ZNF18: variants seen among roughly 807,000 people sequenced by gnomAD.
ZNF18 encodes heart development-specific gene 1 protein.
A neutral mutation model predicts 58.1 loss-of-function variants in ZNF18; 42 were observed. That is an observed-to-expected ratio of 0.72 (90% CI 0.56 to 0.93). The LOEUF (loss-of-function observed/expected upper bound fraction) is 0.93, where lower values mean the gene tolerates loss of function less well. ZNF18 is among the 40% of genes least tolerant of loss of function. The probability of loss-of-function intolerance (pLI) is 0.00; values close to 1 mark genes in which losing one functional copy is unlikely to be tolerated. For synonymous variants in ZNF18, 231 were observed against 239.8 expected (o/e 0.96, Z 0.34); for missense variants, 540 against 644.2 (o/e 0.84, Z 1.75).
chr17:11,980,296 C>T (rs904146711), intron 6 of ZNF18, among the ~76,000 whole-genome samples: 1 of 152,132 alleles, frequency 6.6e-6, no homozygotes, highest in Non-Finnish European at 1.5e-5. Context: ...ATCTTTATCA[C>T]ATTTATGAGC....
At chr17:11,990,628 C>T (rs1968056667) in intron 3 of ZNF18, 78 bp from the exon 4 acceptor site, 1 of 1,180,836 alleles carries the variant, frequency 8.5e-7, no homozygotes, top group Middle Eastern at 2.1e-4. Context: ...TAACAATCTT[C>T]ACAAATCAGA....
intron 4 of ZNF18, among the ~76,000 whole-genome samples, chr17:11,986,151 G>GT: frequency 6.6e-6 from 1 of 152,246 alleles, no homozygotes; most frequent in Non-Finnish European, 1.5e-5. Context: ...GAGTTTGCCT[G>GT]CACAAGCTCT....
the ZNF18 span, among the ~76,000 whole-genome samples, chr17:12,019,068 C>T: frequency 2.6e-5 from 4 of 152,006 alleles, no homozygotes; most frequent in Non-Finnish European, 5.9e-5. Flanking sequence ...GATTCTCCTG[C>T]CTCAGCCTCC....
chr17:11,979,595 T>C (rs1468525515), intron 6 of ZNF18, among the ~76,000 whole-genome samples: 2 of 152,196 alleles, frequency 1.3e-5, no homozygotes, highest in Non-Finnish European at 2.9e-5. Flanking sequence ...ATAGAAAATT[T>C]TTATTTTGGT....
At chr17:11,980,750 C>G (rs12453282) in intron 6 of ZNF18, among the ~76,000 whole-genome samples, 26,347 of 152,082 alleles carry the variant, frequency 0.17, 2,415 homozygotes, top group Admixed American at 0.21. Context: ...AGACCAGCAT[C>G]TCTTTTCTAG....
the ZNF18 span, among the ~76,000 whole-genome samples, chr17:12,018,744 T>C: frequency 6.6e-6 from 1 of 152,192 alleles, no homozygotes; most frequent in Non-Finnish European, 1.5e-5. Flanking sequence ...TTTTGCCATA[T>C]GCACATCTAA....
chr17:12,015,536 T>A, the ZNF18 span, among the ~76,000 whole-genome samples: 10 of 152,336 alleles, frequency 6.6e-5, no homozygotes, highest in African/African-American at 2.4e-4. Context: ...TTTGTTATGT[T>A]TTTTATATTC....
At chr17:11,994,396 C>T (rs1220795428) in intron 1 of ZNF18, among the ~76,000 whole-genome samples, 2 of 152,016 alleles carry the variant, frequency 1.3e-5, no homozygotes, top group Non-Finnish European at 2.9e-5. Context: ...GGGCGCCAAC[C>T]CCCCACACAG....
intron 3 of ZNF18, 50 bp downstream of exon 3, chr17:11,990,924 T>C (rs1447406083): frequency 6.4e-6 from 10 of 1,572,342 alleles, no homozygotes; most frequent in African/African-American, 5.4e-5. Flanking sequence ...GGCCTACTAA[T>C]CACAATCCCA....
the ZNF18 span, among the ~76,000 whole-genome samples, chr17:12,017,129 A>G: frequency 6.6e-6 from 1 of 151,890 alleles, no homozygotes; most frequent in Non-Finnish European, 1.5e-5. Context: ...ACCTGGAGGT[A>G]GGGGTTGTAG....
the ZNF18 span, chr17:12,021,033 C>T: frequency 9.4e-6 from 11 of 1,174,314 alleles, no homozygotes; most frequent in Non-Finnish European, 1.2e-5. Flanking sequence ...AGATCCCAGC[C>T]CCCTAGCGCG....
At chr17:12,019,262 C>T in the ZNF18 span, among the ~76,000 whole-genome samples, 3 of 150,860 alleles carry the variant, frequency 2.0e-5, no homozygotes, top group East Asian at 5.9e-4. Context: ...ACATCCCCAG[C>T]CTTCTTTAAT....
At chr17:11,987,837 T>C (rs1035995316) in intron 4 of ZNF18, among the ~76,000 whole-genome samples, 13 of 152,156 alleles carry the variant, frequency 8.5e-5, no homozygotes, top group African/African-American at 3.1e-4. Context: ...TTCTCTCCCC[T>C]GCCACCTCCC....
chr17:12,011,474 C>T, the ZNF18 span, among the ~76,000 whole-genome samples: 1 of 151,886 alleles, frequency 6.6e-6, no homozygotes, highest in African/African-American at 2.4e-5. Context: ...CAACCTCTGA[C>T]TTCCGGGTTC....
At chr17:12,018,269 G>A in the ZNF18 span, among the ~76,000 whole-genome samples, 1 of 152,150 alleles carries the variant, frequency 6.6e-6, no homozygotes, top group Non-Finnish European at 1.5e-5. Context: ...CTTTTTTTAA[G>A]CAATTCATTT....
the ZNF18 span, chr17:12,021,276 G>C: frequency 1.7e-5 from 4 of 236,804 alleles, no homozygotes; most frequent in Non-Finnish European, 3.2e-5. Flanking sequence ...GGGCCCACCT[G>C]GTCCGGGACC....
intron 1 of ZNF18, among the ~76,000 whole-genome samples, chr17:11,995,241 T>G (rs1447732079): frequency 6.9e-6 from 1 of 144,700 alleles, no homozygotes. Context: ...AAACCCCATC[T>G]CTACTAAAAA....
At chr17:11,981,318 CTTTTT>C (rs35186030) in intron 6 of ZNF18, among the ~76,000 whole-genome samples, 8 of 135,852 alleles carry the variant, frequency 5.9e-5, no homozygotes, top group African/African-American at 2.2e-4. Context: ...CACATATCCT[CTTTTT>C]TTTTTTTTTT....
the ZNF18 span, chr17:12,020,908 GGCGGCGGCGGCTCCGGGGGCGGCA>G: frequency 8.4e-7 from 1 of 1,193,130 alleles, no homozygotes; most frequent in Non-Finnish European, 1.0e-6. Flanking sequence ...GAGCCCGAGC[GGCGGCGGCGGCTCCGGGGGCGGCA>G]GCGGCAGCGG....
Sources: allele counts gnomAD v4.1 joint callset (sites outside exome capture counted in the v4.1 genomes callset), GRCh38; gene constraint gnomAD v4.1.1; transcripts MANE v1.5; gene names NCBI Gene and HGNC (gene_info 2026-07-23, HGNC 2026-07-21).